LDB2: variants seen among roughly 807,000 people sequenced by gnomAD.
LDB2 encodes LIM domain-binding protein 2.
LDB2 carries 12 observed loss-of-function variants against 44.3 expected under a neutral mutation model. The ratio of observed to expected loss-of-function variants is 0.27; its 90% confidence interval spans 0.17 to 0.44. The LOEUF (loss-of-function observed/expected upper bound fraction) is 0.44. LDB2 is among the 20% of genes least tolerant of loss of function. LDB2 has a pLI of 1.00. For missense variants in LDB2, 344 were observed against 473.5 expected (o/e 0.73, Z 2.54); for synonymous variants, 164 against 174.8 (o/e 0.94, Z 0.49).
chr4:16,786,703 T>A (rs1173535009), intron 1 of LDB2, among the ~76,000 whole-genome samples: 1 of 152,204 alleles, frequency 6.6e-6, no homozygotes, highest in Non-Finnish European at 1.5e-5. Context: ...CCCCTTATTG[T>A]TTTCTCTTTT....
chr4:16,503,086 T>G (rs2152189481), intron 7 of LDB2: 1 of 1,537,336 alleles, frequency 6.5e-7, no homozygotes, highest in Non-Finnish European at 8.7e-7. Context: ...CGAGTTTATG[T>G]CCTTAGTGCG....
chr4:16,528,527 C>T (rs1485522195), intron 5 of LDB2, among the ~76,000 whole-genome samples: 1 of 152,138 alleles, frequency 6.6e-6, no homozygotes, highest in Non-Finnish European at 1.5e-5. Flanking sequence ...TAGAGGTAGA[C>T]CAGTATTTGG....
At chr4:16,569,977 T>C (rs1046615614) in intron 5 of LDB2, among the ~76,000 whole-genome samples, 12 of 152,158 alleles carry the variant, frequency 7.9e-5, no homozygotes, top group African/African-American at 2.9e-4. Context: ...GTCCATGATG[T>C]CAAGGACAGT....
rs1340738588 is a variant in LDB2 at position 16,581,959 on chromosome 4, AAAAG to A, written c.615+3959_615+3962del. 8.2e-5 allele frequency among the ~76,000 whole-genome samples: 12 copies of A among 146,832 alleles called. No homozygotes were observed. The East Asian group carries it at 9.9e-4, about 12-fold the overall frequency. ...AAGAAAGGAAGGGAGGGAGGGAAAT[AAAAG>A]AAAGAAGGAAGGAAGGAAGGGAAGG... On this transcript the variant is annotated intron_variant, in intron 5 of 7. Transcript: ENST00000304523.
chr4:16,561,828 G>T (rs1442734072), intron 5 of LDB2, among the ~76,000 whole-genome samples: 1 of 152,152 alleles, frequency 6.6e-6, no homozygotes, highest in East Asian at 1.9e-4. Flanking sequence ...TATACTACAG[G>T]CTACAGTAAC....
intron 5 of LDB2, among the ~76,000 whole-genome samples, chr4:16,562,760 T>C (rs1443823344): frequency 6.6e-6 from 1 of 152,206 alleles, no homozygotes; most frequent in Admixed American, 6.5e-5. Context: ...TAAAGACACA[T>C]GCACACGTAT....
rs544505266 is a variant in LDB2 at position 16,562,457 on chromosome 4, A to T, written c.615+23465T>A. Among the ~76,000 whole-genome samples, 8 of 152,370 alleles carry T rather than the reference A, an allele frequency of 5.3e-5. No homozygotes were observed. In the South Asian group the frequency reaches 1.7e-3, roughly 32 times the overall value. On this transcript the variant is annotated intron_variant, in intron 5 of 7. Transcript: ENST00000304523. Reference sequence around the variant, plus strand: ...AGACATTTATCCAGCCAACAGACACATGAAAAAATGCTCACCATCACTGGC... The same window carrying T: ...AGACATTTATCCAGCCAACAGACACTTGAAAAAATGCTCACCATCACTGGC...
chr4:16,730,437 A>G (rs1468288670), intron 2 of LDB2, among the ~76,000 whole-genome samples: 2 of 152,178 alleles, frequency 1.3e-5, no homozygotes, highest in Admixed American at 1.3e-4. Flanking sequence ...CAGCTCAGTG[A>G]GTCAATTAGG....
chr4:16,527,382 A>C (rs527577032), intron 5 of LDB2, among the ~76,000 whole-genome samples: 1 of 152,216 alleles, frequency 6.6e-6, no homozygotes, highest in East Asian at 1.9e-4. Flanking sequence ...ATGCGATGCC[A>C]CCTTACTCCC....
Position 16,619,229 on chromosome 4 carries a change from G to A in LDB2, c.236-23354C>T, listed in dbSNP as rs781543207. On this transcript the variant is annotated intron_variant, in intron 2 of 7. Coordinates refer to ENST00000304523, the MANE Select transcript of LDB2 (RefSeq NM_001290.5). ...GCTGTGATTGACAACTAGGTAACAC[G>A]CTGGCTGCCTTTGTCCTGCCAGAAA... is the stretch of plus-strand genomic sequence containing the variant. 2.5e-4 allele frequency among the ~76,000 whole-genome samples: 38 copies of A among 152,172 alleles called. No homozygotes were observed. In the Middle Eastern group the frequency reaches 0.014, roughly 54 times the overall value.
At chr4:16,669,756 G>C (rs1744239111) in intron 2 of LDB2, among the ~76,000 whole-genome samples, 1 of 152,182 alleles carries the variant, frequency 6.6e-6, no homozygotes, top group Non-Finnish European at 1.5e-5. Flanking sequence ...ACCTGGGCTT[G>C]TCCTGTTCCA....
intron 1 of LDB2, among the ~76,000 whole-genome samples, chr4:16,847,036 T>G (rs1340225730): frequency 6.6e-6 from 1 of 152,252 alleles, no homozygotes; most frequent in Non-Finnish European, 1.5e-5. Context: ...ATGTGTCATT[T>G]CATTCTCTTT....
intron 1 of LDB2, among the ~76,000 whole-genome samples, chr4:16,829,024 T>A (rs993716442): frequency 1.3e-5 from 2 of 152,172 alleles, no homozygotes; most frequent in East Asian, 3.9e-4. Context: ...TAAGAACACT[T>A]ACATTCTCAG....
intron 5 of LDB2, among the ~76,000 whole-genome samples, chr4:16,534,944 G>A (rs2152311026): frequency 6.6e-6 from 1 of 152,276 alleles, no homozygotes; most frequent in African/African-American, 2.4e-5. Flanking sequence ...ACTAAGAAGT[G>A]TAATAAAGCC....
intron 1 of LDB2, among the ~76,000 whole-genome samples, chr4:16,884,062 C>G (rs906623576): frequency 6.6e-6 from 1 of 152,160 alleles, no homozygotes. Flanking sequence ...CAAGACAGAC[C>G]ACCAGTCCAC....
intron 5 of LDB2, among the ~76,000 whole-genome samples, chr4:16,577,761 A>G (rs1283265968): frequency 6.6e-6 from 1 of 152,178 alleles, no homozygotes; most frequent in African/African-American, 2.4e-5. Context: ...CAGAATAGCC[A>G]AAGTTATCCT....
At chr4:16,865,725 A>G (rs938961344) in intron 1 of LDB2, among the ~76,000 whole-genome samples, 3 of 152,210 alleles carry the variant, frequency 2.0e-5, no homozygotes, top group African/African-American at 7.2e-5. Context: ...CACTCTGGGG[A>G]TAATCCAATT....
At chr4:16,527,684 C>G (rs1416342910) in intron 5 of LDB2, among the ~76,000 whole-genome samples, 1 of 152,218 alleles carries the variant, frequency 6.6e-6, no homozygotes, top group East Asian at 1.9e-4. Flanking sequence ...GCCCATCAAT[C>G]AGAGTGGATA....
chr4:16,891,627 A>G (rs571006427), intron 1 of LDB2, among the ~76,000 whole-genome samples: 1 of 152,158 alleles, frequency 6.6e-6, no homozygotes, highest in East Asian at 1.9e-4. Context: ...ATTCTTTAAT[A>G]AGGAGTGTAA....
Sources: gnomAD v4.1 joint callset for allele counts (sites outside exome capture counted in the v4.1 genomes callset) on GRCh38, gnomAD v4.1.1 for gene constraint, MANE v1.5 for transcripts, NCBI Gene and HGNC (gene_info 2026-07-23, HGNC 2026-07-21) for gene names.